NTRK3: variants seen among roughly 807,000 people sequenced by gnomAD.
NTRK3 encodes the protein NT-3 growth factor receptor.
NTRK3 carries 24 observed loss-of-function variants against 91.7 expected under a neutral mutation model. The observed-to-expected ratio is 0.26, with a 90% CI of 0.19 to 0.37. The LOEUF (loss-of-function observed/expected upper bound fraction) is 0.37, where lower values mean the gene tolerates loss of function less well. NTRK3 is among the 10% of genes least tolerant of loss of function. NTRK3 has a pLI of 1.00. For missense variants in NTRK3, 880 were observed against 1,068.9 expected (o/e 0.82, Z 2.46); for synonymous variants, 483 against 404.0 (o/e 1.20, Z -2.34).
At chr15:88,204,316 A>G (rs1381333331) in intron 3 of NTRK3, among the ~76,000 whole-genome samples, 2 of 151,946 alleles carry the variant, frequency 1.3e-5, no homozygotes, top group East Asian at 3.9e-4. Flanking sequence ...CTCCCCTATT[A>G]CCTTCTAACT....
At chr15:87,871,942 A>T (rs1388443288) in exon 19 of NTRK3, 3 of 222,474 alleles carry the variant, frequency 1.3e-5, no homozygotes, top group Non-Finnish European at 1.8e-5. Flanking sequence ...TTTCCTTCAA[A>T]ACCTTAAATA....
chr15:87,979,035 AT>A, intron 14 of NTRK3: 1 of 475,178 alleles, frequency 2.1e-6, no homozygotes, highest in Non-Finnish European at 3.8e-6. Context: ...TGGCTAGTGT[AT>A]TTAAAAGATG....
At chr15:88,171,502 C>T (rs1597739864) in intron 5 of NTRK3, among the ~76,000 whole-genome samples, 4 of 152,270 alleles carry the variant, frequency 2.6e-5, no homozygotes, top group East Asian at 1.9e-4. Context: ...CCAGGGGCTT[C>T]GAGCTTGGGC....
chr15:87,971,295 G>A (rs763834545), intron 14 of NTRK3, among the ~76,000 whole-genome samples: 33 of 152,126 alleles, frequency 2.2e-4, no homozygotes, highest in Admixed American at 3.9e-4. Context: ...AGCTATGGTC[G>A]CCGGTTGGGG....
At chr15:88,156,157 T>C (rs1336133354) in intron 5 of NTRK3, among the ~76,000 whole-genome samples, 2 of 152,202 alleles carry the variant, frequency 1.3e-5, no homozygotes, top group East Asian at 3.9e-4. Context: ...TAGTTTGTTT[T>C]ATGAGAAGGA....
In NTRK3 at chr15:87,955,963, G is replaced by A. The variant is rs75862211; in HGVS notation, c.1586-15210C>T. 2.3e-3 allele frequency among the ~76,000 whole-genome samples: 350 copies of A among 152,232 alleles called. 1 individual carries two copies. Among genetic ancestry groups the A allele is most frequent in the African/African-American group, 7.8e-3 (325 of 41,544 alleles). ...TCCTCCTGGAGCTCATCGGTATAGA[G>A]AAGAGGATAGATGAGTCACCCAGGA... On this transcript the variant is annotated intron_variant, in intron 14 of 18. Coordinates refer to ENST00000394480, the Ensembl canonical transcript of NTRK3.
exon 19 of NTRK3, chr15:87,868,361 A>C (rs2064743853): frequency 4.4e-6 from 1 of 226,234 alleles, no homozygotes; most frequent in South Asian, 1.8e-4. Flanking sequence ...TCCAATTCAT[A>C]AACACAGTGT....
At chr15:87,874,511 C>T (rs970035515) in exon 19 of NTRK3, 6 of 232,700 alleles carry the variant, frequency 2.6e-5, no homozygotes, top group Non-Finnish European at 4.2e-5. Context: ...CCCAGTTTTC[C>T]ACCCATCTCC....
intron 3 of NTRK3, among the ~76,000 whole-genome samples, chr15:88,248,674 T>C (rs1178551420): frequency 6.6e-6 from 1 of 151,982 alleles, no homozygotes; most frequent in Non-Finnish European, 1.5e-5. Context: ...TTAAGTTCCT[T>C]CTCTGCACTC....
At chr15:88,067,395 T>A (rs111990497) in intron 13 of NTRK3, among the ~76,000 whole-genome samples, 11 of 152,348 alleles carry the variant, frequency 7.2e-5, no homozygotes, top group African/African-American at 2.6e-4. Context: ...CCTGGATCTA[T>A]TTTCATGTCT....
At chr15:87,912,136 T>G (rs994218157) in intron 17 of NTRK3, among the ~76,000 whole-genome samples, 2 of 152,218 alleles carry the variant, frequency 1.3e-5, no homozygotes, top group African/African-American at 4.8e-5. Flanking sequence ...TGCTTTAAGA[T>G]TACATTGGAG....
chr15:88,131,045 A>G (rs945121708), intron 10 of NTRK3, among the ~76,000 whole-genome samples: 11 of 152,250 alleles, frequency 7.2e-5, no homozygotes, highest in Non-Finnish European at 1.5e-4. Context: ...ATGAAAAGTT[A>G]AAAATCTTTA....
chr15:88,155,546 G>T (rs542640120), intron 5 of NTRK3, among the ~76,000 whole-genome samples: 1 of 152,214 alleles, frequency 6.6e-6, no homozygotes, highest in Non-Finnish European at 1.5e-5. Context: ...CAACTAATAG[G>T]GCCACTTTCA....
chr15:88,186,308 G>A (rs1368716856), intron 3 of NTRK3, among the ~76,000 whole-genome samples: 1 of 152,164 alleles, frequency 6.6e-6, no homozygotes, highest in Non-Finnish European at 1.5e-5. Flanking sequence ...CGGTTGAGTT[G>A]TCAATCATTA....
intron 12 of NTRK3, 118 bp from the exon 13 acceptor site, chr15:88,126,491 A>G: frequency 3.0e-6 from 2 of 665,562 alleles, no homozygotes; most frequent in Admixed American, 2.4e-5. Flanking sequence ...TAGCCTTCTC[A>G]GAACTGCAAT....
intron 13 of NTRK3, among the ~76,000 whole-genome samples, chr15:88,099,731 A>T (rs1295235453): frequency 1.3e-5 from 2 of 152,116 alleles, no homozygotes; most frequent in Non-Finnish European, 2.9e-5. Flanking sequence ...GGAAACTTAA[A>T]AGCAACTGTC....
intron 3 of NTRK3, among the ~76,000 whole-genome samples, chr15:88,187,468 G>A (rs995697531): frequency 4.6e-5 from 7 of 152,188 alleles, no homozygotes; most frequent in African/African-American, 1.7e-4. Context: ...GTGCTACTAG[G>A]GAGACCACCA....
At chr15:88,105,565 C>G (rs374017668) in intron 13 of NTRK3, among the ~76,000 whole-genome samples, 2 of 152,196 alleles carry the variant, frequency 1.3e-5, no homozygotes, top group Non-Finnish European at 1.5e-5. Context: ...GTTCCACATA[C>G]GCTGCTTCTC....
At chr15:88,203,362 G>A (rs143632863) in intron 3 of NTRK3, among the ~76,000 whole-genome samples, 254 of 152,136 alleles carry the variant, frequency 1.7e-3, no homozygotes, top group African/African-American at 5.7e-3. Flanking sequence ...GTCTCCTACC[G>A]CATGACTCAG....
Sources: gnomAD v4.1 joint callset for allele counts (sites outside exome capture counted in the v4.1 genomes callset) on GRCh38, gnomAD v4.1.1 for gene constraint, MANE v1.5 for transcripts, NCBI Gene and HGNC (gene_info 2026-07-23, HGNC 2026-07-21) for gene names.